The following MYOCD variants were observed in gnomAD, a reference collection of about 807,000 sequenced individuals.
The protein encoded by MYOCD is myocardin.
A neutral mutation model predicts 96.1 loss-of-function variants in MYOCD; 32 were observed. The observed-to-expected ratio is 0.33, with a 90% CI of 0.25 to 0.45. MYOCD has a LOEUF of 0.45. Among genes scored for constraint, MYOCD ranks in the 20% least tolerant of loss-of-function variants. The pLI, the probability that MYOCD is intolerant of heterozygous loss-of-function variation, is 1.00. For synonymous variants in MYOCD, 469 were observed against 469.0 expected (o/e 1.00, Z 0.00); for missense variants, 1,133 against 1,200.6 (o/e 0.94, Z 0.83).
At chr17:12,736,413 CTG>C in intron 6 of MYOCD, 77 bp downstream of exon 6, 1 of 1,429,762 alleles carries the variant, frequency 7.0e-7, no homozygotes, top group Non-Finnish European at 9.6e-7. Flanking sequence ...AACATCAACA[CTG>C]TTAACAGCTG....
chr17:12,684,804 C>A (rs1440982438), intron 1 of MYOCD, among the ~76,000 whole-genome samples: 2 of 150,218 alleles, frequency 1.3e-5, no homozygotes, highest in African/African-American at 4.9e-5. Context: ...TGAGATCACG[C>A]CACTGCACTC....
chr17:12,692,185 C>G (rs1452978525), intron 1 of MYOCD, among the ~76,000 whole-genome samples: 1 of 152,234 alleles, frequency 6.6e-6, no homozygotes, highest in Admixed American at 6.5e-5. Flanking sequence ...ATAACCTCTT[C>G]TAAGGGACCA....
chr17:12,685,844 C>T (rs1342657028), intron 1 of MYOCD, among the ~76,000 whole-genome samples: 2 of 152,100 alleles, frequency 1.3e-5, no homozygotes, highest in Non-Finnish European at 2.9e-5. Context: ...CTAGAGGGAC[C>T]TCAACAAATA....
In MYOCD at chr17:12,739,611, CTCACCTTT is replaced by C. The variant is rs536614909; in HGVS notation, c.717+284_717+291del. On this transcript the variant is annotated intron_variant, in intron 7 of 13. Coordinates refer to ENST00000425538, the MANE Select transcript of MYOCD (RefSeq NM_001146312.3). ...TTCCCCACTTAAAAGATTTCATAAG[CTCACCTTT>C]GAGGTAGACACAGCTGATTGTAAGG... Among the ~76,000 whole-genome samples the C allele has an allele frequency of 4.7e-3, 709 of 152,320 alleles. 4 individuals carry two copies. Among genetic ancestry groups the C allele is most frequent in the African/African-American group, 0.016 (677 of 41,570 alleles).
Position 12,732,810 on chromosome 17 carries a change from T to C in MYOCD, c.416-3351T>C, listed in dbSNP as rs972757500. Among the ~76,000 whole-genome samples the C allele has an allele frequency of 9.8e-5, 15 of 152,330 alleles. 1 individual carries two copies. The highest frequency in any genetic ancestry group is 3.9e-4 in the Admixed American group (6 of 15,300). ...TGCCAGGTGTCAGAGTGGAAAGGGCTGATTCACTGGTAGTAACTTCAGGGC... is the reference window on the plus strand; with the variant it reads ...TGCCAGGTGTCAGAGTGGAAAGGGCCGATTCACTGGTAGTAACTTCAGGGC... On this transcript the variant is annotated intron_variant, in intron 5 of 13. Coordinates refer to ENST00000425538, the MANE Select transcript of MYOCD (RefSeq NM_001146312.3).
intron 1 of MYOCD, among the ~76,000 whole-genome samples, chr17:12,702,372 T>A (rs930639279): frequency 1.3e-5 from 2 of 152,032 alleles, no homozygotes; most frequent in African/African-American, 4.8e-5. Flanking sequence ...AGCTTTCTTA[T>A]GCTTGCTGTC....
rs2032717727 is a variant in MYOCD at position 12,748,009 on chromosome 17, A to G, written c.1125+1937A>G. ...GAAACCCCATCTCTACGAAAAATATAAAAATTAGCTGGGCGTGGTGGTGCA... is the reference window on the plus strand; with the variant it reads ...GAAACCCCATCTCTACGAAAAATATGAAAATTAGCTGGGCGTGGTGGTGCA... On this transcript the variant is annotated intron_variant, in intron 9 of 13. Coordinates refer to ENST00000425538, the MANE Select transcript of MYOCD (RefSeq NM_001146312.3). 4.6e-5 allele frequency among the ~76,000 whole-genome samples: 7 copies of G among 152,008 alleles called. No homozygotes were observed. In the South Asian group the frequency reaches 1.5e-3, roughly 32 times the overall value.
intron 1 of MYOCD, among the ~76,000 whole-genome samples, chr17:12,702,580 T>C (rs1193560565): frequency 6.6e-6 from 1 of 152,042 alleles, no homozygotes; most frequent in East Asian, 1.9e-4. Flanking sequence ...TCTACCATTA[T>C]ATTACTTGTT....
rs1473314332 is a variant in MYOCD, at chr17:12,722,617, G to T, written c.254-230G>T. Among the ~76,000 whole-genome samples, 3 of 152,104 alleles carry T rather than the reference G, an allele frequency of 2.0e-5. No homozygotes were observed. In the South Asian group the frequency reaches 6.2e-4, roughly 32 times the overall value. ...ATTGTACATTTTTTCACGAATCCTC[G>T]CAAAGCAAGCTTCTCTAACTTTTCC... On this transcript the variant is annotated intron_variant, in intron 4 of 13. Coordinates refer to ENST00000425538, the MANE Select transcript of MYOCD (RefSeq NM_001146312.3).
intron 5 of MYOCD, among the ~76,000 whole-genome samples, chr17:12,731,795 A>T (rs2032179431): frequency 2.0e-5 from 3 of 152,206 alleles, no homozygotes; most frequent in Non-Finnish European, 4.4e-5. Flanking sequence ...ACACCACAGG[A>T]GGTGTTCATG....
chr17:12,708,126 C>G (rs1439931700), intron 2 of MYOCD, among the ~76,000 whole-genome samples: 2 of 152,084 alleles, frequency 1.3e-5, no homozygotes, highest in Non-Finnish European at 2.9e-5. Flanking sequence ...CTGACCTACC[C>G]CAGTCCCTGT....
chr17:12,694,243 C>T (rs1481217647), intron 1 of MYOCD, among the ~76,000 whole-genome samples: 2 of 152,270 alleles, frequency 1.3e-5, no homozygotes, highest in Non-Finnish European at 2.9e-5. Flanking sequence ...AAGCTCTGCT[C>T]AGCAAAGCAC....
chr17:12,700,778 T>A (rs1250429078), intron 1 of MYOCD, among the ~76,000 whole-genome samples: 1 of 152,170 alleles, frequency 6.6e-6, no homozygotes, highest in African/African-American at 2.4e-5. Context: ...TGAGAATTCT[T>A]ATTTATAATT....
chr17:12,714,885 T>C (rs1344377649), intron 2 of MYOCD, among the ~76,000 whole-genome samples: 2 of 152,170 alleles, frequency 1.3e-5, no homozygotes, highest in Non-Finnish European at 2.9e-5. Flanking sequence ...CCCTAACTGA[T>C]CCTGGGCAAG....
rs952696380 is a variant in MYOCD, at chr17:12,744,200, C to A, written c.735C>A (p.Asp245Glu). The A allele has an allele frequency of 1.9e-6, 3 of 1,614,084 alleles. No individual in the cohort carries two copies. Among genetic ancestry groups the A allele is most frequent in the Non-Finnish European group, 2.5e-6 (3 of 1,180,006 alleles). ...HAAVKSKSLG[D>E]SKNRHKKPKD... ...CTTTGCAGTCCAAATCCTTGGGTGA[C>A]AGTAAGAACCGCCACAAAAAGCCCA... Residue 245 changes from aspartate to glutamate, a missense_variant, in exon 8 of 14, where the codon GAC becomes GAA. Transcript: ENST00000425538.
intron 2 of MYOCD, among the ~76,000 whole-genome samples, chr17:12,706,671 C>A (rs1284860601): frequency 6.6e-6 from 1 of 152,074 alleles, no homozygotes; most frequent in Non-Finnish European, 1.5e-5. Context: ...TAAAAACACC[C>A]AATGAAGATG....
At chr17:12,734,243 A>T (rs1296785925) in intron 5 of MYOCD, among the ~76,000 whole-genome samples, 1 of 152,124 alleles carries the variant, frequency 6.6e-6, no homozygotes, top group Non-Finnish European at 1.5e-5. Context: ...ATTTAGACTG[A>T]AGGAAGTGGG....
At chr17:12,699,385 A>T (rs2030949068) in intron 1 of MYOCD, among the ~76,000 whole-genome samples, 1 of 152,134 alleles carries the variant, frequency 6.6e-6, no homozygotes, top group African/African-American at 2.4e-5. Flanking sequence ...TGGCCTCTCA[A>T]AGTGCTGGGA....
In MYOCD at chr17:12,744,392, G is replaced by A. The variant is rs1567595568; in HGVS notation, c.927G>A (p.Gln309=). ...TCCTCAGCCAGCAGCAGCAGCAGCA[G>A]CAACACCGATTCAGCTACCTAGGGA... The part of the protein sequence containing the change: ...LQILSQQQQQ[Q]QHRFSYLGMH... The change falls in exon 8 of 14, where the codon CAG becomes CAA. Residue 309 remains glutamine (Q), a synonymous_variant. Coordinates refer to ENST00000425538, the MANE Select transcript of MYOCD (RefSeq NM_001146312.3). The A allele has an allele frequency of 1.9e-6, 3 of 1,613,364 alleles. No individual in the cohort carries two copies. The highest frequency in any genetic ancestry group is 2.5e-6 in the Non-Finnish European group (3 of 1,179,618).
Sources: allele counts gnomAD v4.1 joint callset (sites outside exome capture counted in the v4.1 genomes callset), GRCh38; gene constraint gnomAD v4.1.1; transcripts MANE v1.5; gene names NCBI Gene and HGNC (gene_info 2026-07-23, HGNC 2026-07-21).